Variants in MUSK observed in about 807,000 individuals in gnomAD.
The protein encoded by MUSK is muscle, skeletal receptor tyrosine-protein kinase.
Under a neutral mutation model 88.7 loss-of-function variants are expected in MUSK, and 55 were observed. That is an observed-to-expected ratio of 0.62 (90% CI 0.50 to 0.78). MUSK has a LOEUF of 0.78. Among genes scored for constraint, MUSK ranks in the 30% least tolerant of loss-of-function variants. The pLI, the probability that MUSK is intolerant of heterozygous loss-of-function variation, is 0.00. For missense variants in MUSK, 1,015 were observed against 1,074.3 expected, an observed-to-expected ratio of 0.94 and a Z score of 0.77; for synonymous variants, 387 against 391.9, an observed-to-expected ratio of 0.99 and a Z score of 0.15.
At chr9:110,780,043 A>C (rs896425919) in intron 11 of MUSK, among the ~76,000 whole-genome samples, 1 of 152,142 alleles carries the variant, frequency 6.6e-6, no homozygotes, top group African/African-American at 2.4e-5. Flanking sequence ...CTTATAAACA[A>C]CATATACCTG....
intron 1 of MUSK, among the ~76,000 whole-genome samples, chr9:110,681,423 A>G (rs1044897388): frequency 6.6e-6 from 1 of 151,658 alleles, no homozygotes; most frequent in African/African-American, 2.4e-5. Flanking sequence ...TGTCTAAAAC[A>G]TGATCCCTGA....
intron 8 of MUSK, among the ~76,000 whole-genome samples, chr9:110,765,279 G>A (rs951986233): frequency 2.6e-5 from 4 of 152,184 alleles, no homozygotes; most frequent in African/African-American, 4.8e-5. Context: ...TCTGTTAAGC[G>A]TAAAGAGTCA....
chr9:110,708,091 CCTATCTATCTAT>C (rs34403055), intron 5 of MUSK, among the ~76,000 whole-genome samples: 494 of 148,686 alleles, frequency 3.3e-3, no homozygotes, highest in South Asian at 7.4e-3. Flanking sequence ...ATAAATAATT[CCTATCTATCTAT>C]CTATCTATCT....
chr9:110,775,681 A>G (rs753753035), intron 9 of MUSK, 107 bp from the exon 10 acceptor site: 1 of 1,074,424 alleles, frequency 9.3e-7, no homozygotes, highest in Non-Finnish European at 1.4e-6. Context: ...TTTTTCAAGA[A>G]CAATTTACCA....
intron 8 of MUSK, among the ~76,000 whole-genome samples, chr9:110,766,503 C>T (rs2077487533): frequency 6.6e-6 from 1 of 152,296 alleles, no homozygotes; most frequent in Middle Eastern, 3.4e-3. Flanking sequence ...TAAAGGAAGA[C>T]TCTATATTAC....
At chr9:110,684,493 T>G (rs543929079) in intron 2 of MUSK, among the ~76,000 whole-genome samples, 3 of 152,066 alleles carry the variant, frequency 2.0e-5, no homozygotes, top group Non-Finnish European at 4.4e-5. Context: ...TTTTAGGATT[T>G]TTTTTTTCTA....
rs191335237 is a variant in MUSK at position 110,734,994 on chromosome 9, G to A, written c.753+619G>A. Among the ~76,000 whole-genome samples the A allele has an allele frequency of 1.1e-4, 17 of 152,118 alleles. No individual in the cohort carries two copies. The East Asian group carries it at 1.4e-3, about 12-fold the overall frequency. Reference sequence around the variant, plus strand: ...AGCTTACCTTCTCATGGGGAAATACGGGAAAATATATGTTGTATGTGTATG... The same window carrying A: ...AGCTTACCTTCTCATGGGGAAATACAGGAAAATATATGTTGTATGTGTATG... On this transcript the variant is annotated intron_variant, in intron 6 of 14. Transcript: ENST00000374448.
At chr9:110,698,325 C>T (rs948091729) in intron 5 of MUSK, among the ~76,000 whole-genome samples, 1 of 152,134 alleles carries the variant, frequency 6.6e-6, no homozygotes, top group Non-Finnish European at 1.5e-5. Flanking sequence ...CCTTTGTGCA[C>T]CCTCAATAAA....
At chr9:110,777,075 T>C (rs913974760) in intron 11 of MUSK, among the ~76,000 whole-genome samples, 1 of 152,152 alleles carries the variant, frequency 6.6e-6, no homozygotes, top group Non-Finnish European at 1.5e-5. Flanking sequence ...GATCCCTCTT[T>C]TGGAAGTTAG....
chr9:110,735,439 G>A (rs2077018910), intron 6 of MUSK, among the ~76,000 whole-genome samples: 2 of 152,118 alleles, frequency 1.3e-5, no homozygotes, highest in Non-Finnish European at 1.5e-5. Context: ...AGGACATTAT[G>A]TTAAGTGAAA....
intron 3 of MUSK, among the ~76,000 whole-genome samples, chr9:110,693,388 G>A (rs1372045831): frequency 2.6e-5 from 4 of 151,962 alleles, no homozygotes; most frequent in Non-Finnish European, 5.9e-5. Context: ...GGAAAGATCC[G>A]TTTTATAAGG....
At chr9:110,739,984 AAAG>A in intron 6 of MUSK, among the ~76,000 whole-genome samples, 1 of 152,138 alleles carries the variant, frequency 6.6e-6, no homozygotes, top group Admixed American at 6.6e-5. Flanking sequence ...TTTGGAGATC[AAAG>A]AAGTGTCCCA....
At chr9:110,768,299 A>C (rs368977901) in intron 9 of MUSK, among the ~76,000 whole-genome samples, 2 of 152,226 alleles carry the variant, frequency 1.3e-5, no homozygotes, top group African/African-American at 4.8e-5. Context: ...GGAGTTTAAC[A>C]CCAGCCTGTC....
chr9:110,698,025 T>C lies in MUSK; in HGVS notation c.628+559T>C, dbSNP rs181411959. Among the ~76,000 whole-genome samples, 50 of 152,286 alleles carry C rather than the reference T, an allele frequency of 3.3e-4. 1 individual carries two copies. The highest frequency in any genetic ancestry group is 3.1e-3 in the Admixed American group (47 of 15,284). ...AATATTTTTTAATCAGCTAATTCAA[T>C]AACTTGGTGTGAAAGGTCTTCACTG... is the stretch of plus-strand genomic sequence containing the variant. On this transcript the variant is annotated intron_variant, in intron 5 of 14. Transcript: ENST00000374448.
chr9:110,747,593 A>C, intron 6 of MUSK, 48 bp from the exon 7 acceptor site: 1 of 1,540,098 alleles, frequency 6.5e-7, no homozygotes, highest in Non-Finnish European at 8.9e-7. Flanking sequence ...GACATAGTAT[A>C]GTGGGAAATC....
intron 6 of MUSK, among the ~76,000 whole-genome samples, chr9:110,742,339 C>T (rs993687969): frequency 6.6e-6 from 1 of 152,024 alleles, no homozygotes. Flanking sequence ...GTCTGTAGTC[C>T]CAGCTACTTG....
Position 110,675,562 on chromosome 9 carries a change from CTTTT to C in MUSK, c.79+6601_79+6604del, listed in dbSNP as rs10607243. 7.8e-3 allele frequency among the ~76,000 whole-genome samples: 482 copies of C among 61,644 alleles called. 5 individuals carry two copies. The highest frequency in any genetic ancestry group is 0.031 in the African/African-American group (424 of 13,674). The allele number at this position is 61,644 out of a possible 152,430, so 40.4% of individuals were successfully genotyped here. ...ATGTGTAGTTGCTCAATAGTCTTCCCTTTTTTTTTTTTTTTTTTTTTTTTTGGGA... is the reference window on the plus strand; with the variant it reads ...ATGTGTAGTTGCTCAATAGTCTTCCCTTTTTTTTTTTTTTTTTTTTTGGGA... On this transcript the variant is annotated intron_variant, in intron 1 of 14. Coordinates refer to ENST00000374448, the MANE Select transcript of MUSK (RefSeq NM_005592.4).
intron 6 of MUSK, among the ~76,000 whole-genome samples, chr9:110,741,845 C>T (rs2077104497): frequency 6.6e-6 from 1 of 151,930 alleles, no homozygotes; most frequent in African/African-American, 2.4e-5. Flanking sequence ...TTGTAAATGC[C>T]CCTCTTTAGT....
intron 6 of MUSK, among the ~76,000 whole-genome samples, chr9:110,738,649 C>T (rs953418277): frequency 1.3e-5 from 2 of 152,168 alleles, no homozygotes; most frequent in African/African-American, 4.8e-5. Flanking sequence ...CATTCTTCCC[C>T]CATTTCCTAG....
Sources: gnomAD v4.1 joint callset for allele counts (sites outside exome capture counted in the v4.1 genomes callset) on GRCh38, gnomAD v4.1.1 for gene constraint, MANE v1.5 for transcripts, NCBI Gene and HGNC (gene_info 2026-07-23, HGNC 2026-07-21) for gene names.